Variants in KCND1 observed in about 807,000 individuals in gnomAD.
The protein encoded by KCND1 is potassium voltage-gated channel subfamily D member 1, also known as A-type voltage-gated potassium channel KCND1.
Under a neutral mutation model 31.8 loss-of-function variants are expected in KCND1, and 11 were observed. That is an observed-to-expected ratio of 0.35 (90% CI 0.22 to 0.57). The LOEUF (loss-of-function observed/expected upper bound fraction) is 0.57. KCND1 is among the 20% of genes least tolerant of loss of function. The probability of loss-of-function intolerance (pLI) is 0.85; values close to 1 mark genes in which losing one functional copy is unlikely to be tolerated. For synonymous variants in KCND1, 234 were observed against 248.1 expected, an observed-to-expected ratio of 0.94 and a Z score of 0.53; for missense variants, 471 against 596.8, an observed-to-expected ratio of 0.79 and a Z score of 2.20.
At chrX:48,963,640 C>G (rs781918411) in intron 5 of KCND1, among the ~76,000 whole-genome samples, 1 of 110,963 alleles carries the variant, frequency 9.0e-6, no homozygotes, top group African/African-American at 3.3e-5. Context: ...CCAAACCTCT[C>G]TCTTCTCTCA....
Position 48,970,392 on chromosome X carries a change from G to A in KCND1, c.-121C>T. 2 of 628,621 alleles carry A rather than the reference G, an allele frequency of 3.2e-6. No individual in the cohort carries two copies. The highest frequency in any genetic ancestry group is 4.7e-6 in the Non-Finnish European group (2 of 422,536). 51.8% of individuals were successfully genotyped at this position (628,621 alleles called of 1,213,427 possible). On this transcript the variant is annotated 5_prime_UTR_variant, in exon 1 of 6. Coordinates refer to ENST00000218176, the MANE Select transcript of KCND1 (RefSeq NM_004979.6). ...CCACCCAAACAAGGAAACTGGGGGT[G>A]TCTAGAGAGGCCAAGAGGAACCAGG...
chrX:48,969,491 G>C lies in KCND1; in HGVS notation c.781C>G (p.Arg261Gly). The C allele has an allele frequency of 8.3e-7, 1 of 1,211,247 alleles. No individual in the cohort carries two copies. Among genetic ancestry groups the C allele is most frequent in the Non-Finnish European group, 1.1e-6 (1 of 895,121 alleles). ...ACGTCGATGAGGCTCATGACACTCC[G>C]CAGGAAGCGGCAACGGCTGGGGGCG... ...FAAPSRCRFL[R>G]SVMSLIDVVA... Residue 261 changes from arginine (R) to glycine (G), a missense_variant, in exon 1 of 6, where the codon CGG (arginine) becomes GGG (glycine). By Grantham distance (125) the Arg-to-Gly change is moderately radical. Coordinates refer to ENST00000218176, the MANE Select transcript of KCND1 (RefSeq NM_004979.6).
At position 48,966,089 on chromosome X, in the gene KCND1, G is replaced by A. The variant is rs199592977; in HGVS notation, c.1684C>T (p.Leu562=). 9.1e-6 allele frequency: 11 copies of A among 1,209,408 alleles called. No homozygotes were observed. Among genetic ancestry groups the A allele is most frequent in the Middle Eastern group, 2.6e-4 (1 of 3,915 alleles). The change falls in exon 5 of 6, where the codon CTG becomes TTG. Residue 562 remains leucine (L), a synonymous_variant. Transcript: ENST00000218176. Reference sequence around the variant, plus strand: ...GCATGGCTCCTGCGCAGCCCTGCCAGCATGTCCAGCTCCTGCATGCTGCCA... The same window carrying A: ...GCATGGCTCCTGCGCAGCCCTGCCAACATGTCCAGCTCCTGCATGCTGCCA... ...SRGSMQELDM[L]AGLRRSHAPQ...
chrX:48,969,525 C>A lies in KCND1; in HGVS notation c.747G>T (p.Arg249=). The A allele has an allele frequency of 1.7e-6, 2 of 1,210,913 alleles. No individual in the cohort carries two copies. Among genetic ancestry groups the A allele is most frequent in the South Asian group, 3.5e-5 (2 of 56,814 alleles). The change falls in exon 1 of 6, where the codon CGG becomes CGT. Residue 249 remains arginine (R), a synonymous_variant. Transcript: ENST00000218176. ...GGCAACGGCTGGGGGCGGCAAACAG[C>A]CGCAGGAGGTATTCACCTGTGAATA... ...VLIFTGEYLL[R]LFAAPSRCRF...
rs2064382357 is a variant in KCND1 at position 48,970,518 on chromosome X, T to G, written c.-247A>C. 3.6e-5 allele frequency: 12 copies of G among 331,520 alleles called. No homozygotes were observed. Among genetic ancestry groups the G allele is most frequent in the Middle Eastern group, 7.9e-4 (1 of 1,261 alleles). 27.3% of individuals were successfully genotyped at this position (331,520 alleles called of 1,213,427 possible). On this transcript the variant is annotated 5_prime_UTR_variant, in exon 1 of 6. It removes an upstream start codon present in the reference 5' UTR. Coordinates refer to ENST00000218176, the MANE Select transcript of KCND1 (RefSeq NM_004979.6). The stretch of plus-strand genomic sequence containing the variant: ...GGGACTGAGAAGGGCCTTGGGGACA[T>G]GGAGAAGAGCAGAAAAGGGGTGTGG...
Position 48,962,412 on chromosome X carries a change from T to A in KCND1, c.*169A>T. The A allele has an allele frequency of 2.3e-6, 1 of 427,431 alleles. No homozygotes were observed. The highest frequency in any genetic ancestry group is 4.1e-6 in the Non-Finnish European group (1 of 242,585). The allele number at this position is 427,431 out of a possible 1,213,427, so 35.2% of individuals were successfully genotyped here. On this transcript the variant is annotated 3_prime_UTR_variant, in exon 6 of 6. Transcript: ENST00000218176. ...GGGTGGGAGGAAGTTTCTCATTTCCTGGCTACTTCCCCACTATGTGGACCA... is the reference window on the plus strand; with the variant it reads ...GGGTGGGAGGAAGTTTCTCATTTCCAGGCTACTTCCCCACTATGTGGACCA...
intron 5 of KCND1, among the ~76,000 whole-genome samples, chrX:48,964,715 C>T (rs1164695339): frequency 4.8e-5 from 4 of 83,044 alleles, no homozygotes; most frequent in African/African-American, 1.5e-4. Flanking sequence ...AGCAAAACTT[C>T]GTCTCAAAAA....
Position 48,966,607 on chromosome X carries a change from G to A in KCND1, c.1438C>T (p.His480Tyr). The A allele has an allele frequency of 8.3e-7, 1 of 1,209,820 alleles. No individual in the cohort carries two copies. Among genetic ancestry groups the A allele is most frequent in the Non-Finnish European group, 1.1e-6 (1 of 894,116 alleles). The change falls in exon 4 of 6, where the codon CAC becomes TAC. Residue 480 changes from histidine (H) to tyrosine (Y), a missense_variant. Physicochemically the swap from His to Tyr is moderately conservative, Grantham distance 83. Coordinates refer to ENST00000218176, the MANE Select transcript of KCND1 (RefSeq NM_004979.6). ...NRSAFEQQHHHLLHCLEKTTC... is the reference protein window; with the variant it reads ...NRSAFEQQHHYLLHCLEKTTC... Reference sequence around the variant, plus strand: ...GTCTTCTCTAGACAGTGCAGCAAGTGGTGATGTTGCTGTTCAAAGGCAGAA... The same window carrying A: ...GTCTTCTCTAGACAGTGCAGCAAGTAGTGATGTTGCTGTTCAAAGGCAGAA...
chrX:48,964,668 C>A (rs1318499841), intron 5 of KCND1, among the ~76,000 whole-genome samples: 4 of 96,396 alleles, frequency 4.1e-5, no homozygotes, highest in Admixed American at 1.1e-4. Context: ...AGCAGTGAGC[C>A]GAGATCACGC....
In KCND1 at chrX:48,970,215, C is replaced by T; in HGVS notation, c.57G>A (p.Trp19Ter). ...GCAGGGGTTGCTGGGCCAGGGGCAG[C>T]CAGCCCACTGCTGCTGCCCGAGCAA... is the stretch of plus-strand genomic sequence containing the variant. ...LPFARAAAVG[W>*]LPLAQQPLPP... The change falls in exon 1 of 6, where the codon TGG becomes TGA. Residue 19 changes from tryptophan (W) to a stop codon, truncating the protein, a stop_gained. Coordinates refer to ENST00000218176, the MANE Select transcript of KCND1 (RefSeq NM_004979.6). LOFTEE classifies it high-confidence loss of function. The T allele has an allele frequency of 8.3e-7, 1 of 1,207,140 alleles. No individual in the cohort carries two copies. Among genetic ancestry groups the T allele is most frequent in the Non-Finnish European group, 1.1e-6 (1 of 893,385 alleles).
In KCND1 at chrX:48,969,429, C is replaced by T. The variant is rs782787317; in HGVS notation, c.843G>A (p.Val281=). The part of the protein sequence containing the change: ...AILPYYIGLL[V]PKNDDVSGAF... Reference sequence around the variant, plus strand: ...CGCCAGAGACATCGTCGTTCTTGGGCACCAAAAGCCCAATGTAGTAGGGCA... The same window carrying T: ...CGCCAGAGACATCGTCGTTCTTGGGTACCAAAAGCCCAATGTAGTAGGGCA... The change falls in exon 1 of 6, where the codon GTG becomes GTA. Residue 281 remains valine (V), a synonymous_variant. Transcript: ENST00000218176. The T allele has an allele frequency of 3.4e-5, 41 of 1,209,521 alleles. No homozygotes were observed. The South Asian group carries it at 6.2e-4, about 18-fold the overall frequency.
chrX:48,970,498 T>G lies in KCND1; in HGVS notation c.-227A>C. 1 of 379,339 alleles carries G rather than the reference T, an allele frequency of 2.6e-6. No individual in the cohort carries two copies. Among genetic ancestry groups the G allele is most frequent in the Non-Finnish European group, 4.5e-6 (1 of 224,028 alleles). 31.3% of individuals were successfully genotyped at this position (379,339 alleles called of 1,213,427 possible). On this transcript the variant is annotated 5_prime_UTR_variant, in exon 1 of 6. Coordinates refer to ENST00000218176, the MANE Select transcript of KCND1 (RefSeq NM_004979.6). Reference sequence around the variant, plus strand: ...GGGCCTGGGCAATGTTCTGAGGGACTGAGAAGGGCCTTGGGGACATGGAGA... The same window carrying G: ...GGGCCTGGGCAATGTTCTGAGGGACGGAGAAGGGCCTTGGGGACATGGAGA...
In KCND1 at chrX:48,969,713, C is replaced by T. The variant is rs1041113966; in HGVS notation, c.559G>A (p.Val187Ile). ...AAGAAGCCGGTCACATAGTAGAAAACGAGGGCTGCGGTGCTCGTGTGTGGA... is the reference window on the plus strand; with the variant it reads ...AAGAAGCCGGTCACATAGTAGAAAATGAGGGCTGCGGTGCTCGTGTGTGGA... ...ENPHTSTAAL[V>I]FYYVTGFFIA... The change falls in exon 1 of 6, where the codon GTT (valine) becomes ATT (isoleucine). Residue 187 changes from valine (V) to isoleucine (I), a missense_variant. By Grantham distance (29) the Val-to-Ile change is conservative. Transcript: ENST00000218176. 3 of 1,208,574 alleles carry T rather than the reference C, an allele frequency of 2.5e-6. No homozygotes were observed. Among genetic ancestry groups the T allele is most frequent in the Middle Eastern group, 2.3e-4 (1 of 4,342 alleles).
At position 48,970,095 on chromosome X, in the gene KCND1, G is replaced by A. The variant is rs1281888438; in HGVS notation, c.177C>T (p.Asp59=). Residue 59 remains aspartate, a synonymous_variant, in exon 1 of 6, where the codon GAC becomes GAT. Transcript: ENST00000218176. ...TGCCCAGCAAGGTGTCTGGGTAGCGGTCCAGCGTATTCTTCCAAGTCTCAA... is the reference window on the plus strand; with the variant it reads ...TGCCCAGCAAGGTGTCTGGGTAGCGATCCAGCGTATTCTTCCAAGTCTCAA... ...RRFETWKNTL[D]RYPDTLLGSS... 2 of 1,208,984 alleles carry A rather than the reference G, an allele frequency of 1.7e-6. No homozygotes were observed. The highest frequency in any genetic ancestry group is 2.2e-6 in the Non-Finnish European group (2 of 894,421).
At chrX:48,964,820 G>A (rs2064343202) in intron 5 of KCND1, among the ~76,000 whole-genome samples, 1 of 105,465 alleles carries the variant, frequency 9.5e-6, no homozygotes, top group Non-Finnish European at 1.9e-5. Context: ...TCAGGAGATC[G>A]ATACCATCCT....
Position 48,970,335 on chromosome X carries a change from C to T in KCND1, c.-64G>A. On this transcript the variant is annotated 5_prime_UTR_variant, in exon 1 of 6. Transcript: ENST00000218176. The stretch of plus-strand genomic sequence containing the variant: ...GGCGTTTAGGAGAATGTGGCTGTCT[C>T]CAGGATGGTGGGGGCTTGGAGACAC... 9.3e-7 allele frequency: 1 copy of T among 1,072,208 alleles called. No individual in the cohort carries two copies. Among genetic ancestry groups the T allele is most frequent in the Non-Finnish European group, 1.2e-6 (1 of 804,304 alleles). 88.4% of individuals were successfully genotyped at this position (1,072,208 alleles called of 1,213,427 possible).
intron 5 of KCND1, 50 bp from the exon 6 acceptor site, chrX:48,962,856 G>T: frequency 9.4e-7 from 1 of 1,060,722 alleles, no homozygotes; most frequent in Non-Finnish European, 1.3e-6. Context: ...GTTATCTTAG[G>T]CCGGGTGCGG....
In KCND1 at chrX:48,966,784, A is replaced by G; in HGVS notation, c.1345T>C (p.Tyr449His). Residue 449 changes from tyrosine to histidine, a missense_variant, in exon 3 of 6, where the codon TAC (tyrosine) becomes CAC (histidine). By Grantham distance (83) the Tyr-to-His change is moderately conservative (BLOSUM62 2). Transcript: ENST00000218176. Reference protein sequence around the residue: ...KSGTTNAFLQYKQNGGLEDSG... With the variant: ...KSGTTNAFLQHKQNGGLEDSG... Reference sequence around the variant, plus strand: ...ACCTCAAGGCCCCCATTCTGCTTGTACTGCAGGAAGGCATTGGTGGTACCA... The same window carrying G: ...ACCTCAAGGCCCCCATTCTGCTTGTGCTGCAGGAAGGCATTGGTGGTACCA... The G allele has an allele frequency of 8.3e-7, 1 of 1,207,563 alleles. No individual in the cohort carries two copies. Among genetic ancestry groups the G allele is most frequent in the Non-Finnish European group, 1.1e-6 (1 of 894,687 alleles).
intron 1 of KCND1, 49 bp downstream of exon 1, chrX:48,969,102 G>A: frequency 8.9e-7 from 1 of 1,127,957 alleles, no homozygotes; most frequent in Non-Finnish European, 1.2e-6. Flanking sequence ...TAATTTTACA[G>A]AAAGGGTGAG....
Sources: gnomAD v4.1 joint callset for allele counts (sites outside exome capture counted in the v4.1 genomes callset) on GRCh38, gnomAD v4.1.1 for gene constraint, MANE v1.5 for transcripts, NCBI Gene and HGNC (gene_info 2026-07-23, HGNC 2026-07-21) for gene names.